The following SYNPO2 variants were observed in gnomAD, a reference collection of about 807,000 sequenced individuals.
The protein encoded by SYNPO2 is synaptopodin-2.
Under a neutral mutation model 85.0 loss-of-function variants are expected in SYNPO2, and 56 were observed. The observed-to-expected ratio is 0.66, with a 90% confidence interval of 0.53 to 0.82. The LOEUF (loss-of-function observed/expected upper bound fraction) is 0.82, where lower values mean the gene tolerates loss of function less well. SYNPO2 is among the 40% of genes least tolerant of loss of function. SYNPO2 has a pLI of 0.00. For synonymous variants in SYNPO2, 602 were observed against 591.1 expected (o/e 1.02, Z -0.27); for missense variants, 1,575 against 1,534.2 (o/e 1.03, Z -0.44).
intron 1 of SYNPO2, among the ~76,000 whole-genome samples, chr4:118,944,911 G>A (rs1734444909): frequency 6.6e-6 from 1 of 152,140 alleles, no homozygotes; most frequent in African/African-American, 2.4e-5. Context: ...ATGGTGTGGT[G>A]GTTAAGCACT....
In SYNPO2 at chr4:119,054,619, G is replaced by A. The variant is rs115383881; in HGVS notation, c.3253-2782G>A. Among the ~76,000 whole-genome samples, 705 of 152,106 alleles carry A rather than the reference G, an allele frequency of 4.6e-3. 5 individuals are homozygous for A. Among genetic ancestry groups the A allele is most frequent in the African/African-American group, 0.016 (684 of 41,470 alleles). ...AGTCTGGCCGTCTCCTCTAAGGTCCGGCCATCTCTCCCTCTACCGACTGAG... is the reference window on the plus strand; with the variant it reads ...AGTCTGGCCGTCTCCTCTAAGGTCCAGCCATCTCTCCCTCTACCGACTGAG... On this transcript the variant is annotated intron_variant, in intron 4 of 4. Coordinates refer to ENST00000307142, the MANE Select transcript of SYNPO2 (RefSeq NM_133477.3).
intron 1 of SYNPO2, among the ~76,000 whole-genome samples, chr4:118,954,888 C>A (rs2149144345): frequency 6.6e-6 from 1 of 152,154 alleles, no homozygotes; most frequent in South Asian, 2.1e-4. Flanking sequence ...ATATGATCCC[C>A]ATTTTTACAA....
chr4:119,034,954 T>A, intron 4 of SYNPO2: 1 of 985,424 alleles, frequency 1.0e-6, no homozygotes, highest in Non-Finnish European at 1.2e-6. Context: ...GAGGCAGTTT[T>A]TGTTTAGTTT....
In SYNPO2 at chr4:119,026,678, C is replaced by T. The variant is rs373931978; in HGVS notation, c.309C>T (p.Asn103=). The part of the protein sequence containing the change: ...EALISENENK[N]LEHLTHGGYV... Reference sequence around the variant, plus strand: ...TGATATCTGAAAATGAAAACAAAAACCTCGAGCATCTCACACATGGGGGTT... The same window carrying T: ...TGATATCTGAAAATGAAAACAAAAATCTCGAGCATCTCACACATGGGGGTT... The change falls in exon 3 of 5, where the codon AAC becomes AAT. Residue 103 remains asparagine (N), a synonymous_variant. Transcript: ENST00000307142. 35 of 1,612,934 alleles carry T rather than the reference C, an allele frequency of 2.2e-5. No homozygotes were observed. Among genetic ancestry groups the T allele is most frequent in the Non-Finnish European group, 2.9e-5 (34 of 1,179,640 alleles).
chr4:119,022,316 A>G (rs999569424), intron 1 of SYNPO2, among the ~76,000 whole-genome samples: 18 of 152,062 alleles, frequency 1.2e-4, no homozygotes, highest in African/African-American at 4.3e-4. Context: ...AAACCTTACA[A>G]TGTGGAATTA....
chr4:119,054,210 G>A (rs527855084), intron 4 of SYNPO2, among the ~76,000 whole-genome samples: 1 of 152,358 alleles, frequency 6.6e-6, no homozygotes, highest in African/African-American at 2.4e-5. Flanking sequence ...CCAGGTGGGG[G>A]TGCTTGCGAC....
intron 1 of SYNPO2, among the ~76,000 whole-genome samples, chr4:118,968,638 A>C (rs963746737): frequency 1.3e-5 from 2 of 152,230 alleles, no homozygotes; most frequent in Admixed American, 6.5e-5. Flanking sequence ...GTGGGTTTGC[A>C]GAGGTTAAAA....
intron 1 of SYNPO2, among the ~76,000 whole-genome samples, chr4:118,977,332 A>T (rs572694752): frequency 2.0e-5 from 3 of 152,214 alleles, no homozygotes; most frequent in Non-Finnish European, 4.4e-5. Flanking sequence ...AGGGCTGGCC[A>T]GCTGCTCCGA....
chr4:119,041,728 TTTATATACAGCACTTTAG>T (rs1457654594), intron 4 of SYNPO2, among the ~76,000 whole-genome samples: 1 of 152,238 alleles, frequency 6.6e-6, no homozygotes, highest in East Asian at 1.9e-4. Context: ...TATGATTTCC[TTTATATACAGCACTTTAG>T]TATGAGCAAA....
At chr4:118,881,869 C>T (rs1732110503) in intron 1 of SYNPO2, among the ~76,000 whole-genome samples, 1 of 152,214 alleles carries the variant, frequency 6.6e-6, no homozygotes, top group Non-Finnish European at 1.5e-5. Context: ...TCCTGGAAAC[C>T]ACACAAGTAT....
chr4:118,865,093 G>C (rs1392516030), intron 1 of SYNPO2, among the ~76,000 whole-genome samples: 2 of 152,156 alleles, frequency 1.3e-5, no homozygotes, highest in East Asian at 3.8e-4. Context: ...TTTGAAGGTG[G>C]GAATTTGTGG....
chr4:118,935,816 G>T (rs1734081506), intron 1 of SYNPO2, among the ~76,000 whole-genome samples: 1 of 152,178 alleles, frequency 6.6e-6, no homozygotes, highest in Admixed American at 6.6e-5. Context: ...TTAGAGAAAA[G>T]AAAATCACAA....
intron 1 of SYNPO2, among the ~76,000 whole-genome samples, chr4:118,890,335 G>A (rs567200305): frequency 1.3e-5 from 2 of 152,246 alleles, no homozygotes; most frequent in South Asian, 2.1e-4. Context: ...GAAAAGCAGA[G>A]TTTTTATTAC....
chr4:119,036,034 C>G, intron 4 of SYNPO2: 1 of 985,330 alleles, frequency 1.0e-6, no homozygotes, highest in East Asian at 1.1e-4. Context: ...TTTAATTTCT[C>G]AAATAAAGGC....
intron 1 of SYNPO2, among the ~76,000 whole-genome samples, chr4:118,934,707 T>C (rs1734043462): frequency 6.6e-6 from 1 of 152,196 alleles, no homozygotes; most frequent in Admixed American, 6.5e-5. Flanking sequence ...AATGAGACTT[T>C]AGAATCTTCA....
intron 1 of SYNPO2, among the ~76,000 whole-genome samples, chr4:118,927,747 G>T (rs62326839): frequency 0.02 from 2,738 of 135,322 alleles, 41 homozygotes; most frequent in African/African-American, 0.032. Flanking sequence ...TAGATAGATA[G>T]ATGATAGATA....
In SYNPO2 at chr4:119,030,009, T is replaced by TA; in HGVS notation, c.1235dup (p.Tyr412Ter). The TA allele has an allele frequency of 6.2e-7, 1 of 1,614,012 alleles. No homozygotes were observed. The highest frequency in any genetic ancestry group is 8.5e-7 in the Non-Finnish European group (1 of 1,180,004). ...GGCCAGGAAATACACCCTAGTTAGC[T>TA]ACGGTACTGGCGAGCTTGAGCGAGA... Reference protein sequence around the residue: ...RRARKYTLVSYGTGELEREAD... With the variant: ...RRARKYTLVS The change falls in exon 4 of 5, where the codon TAC becomes TAAC. Residue 412 changes from tyrosine to a stop codon, truncating the protein, a stop_gained and frameshift_variant. Transcript: ENST00000307142. LOFTEE classifies it high-confidence loss of function.
rs919068091 is a variant in SYNPO2 at position 118,857,012 on chromosome 4, C to A, written c.12+6072C>A. ...ATAAATGTATTCTTTATAAGTATAG[C>A]CCACAGTATAGACTTTTATATTTAT... On this transcript the variant is annotated intron_variant, in intron 1 of 4. Coordinates refer to the SYNPO2 transcript ENST00000610556. Among the ~76,000 whole-genome samples, 3 of 151,458 alleles carry A rather than the reference C, an allele frequency of 2.0e-5. No individual in the cohort carries two copies. In the East Asian group the frequency reaches 5.8e-4, roughly 29 times the overall value.
At chr4:118,910,181 T>A (rs936446661) in intron 1 of SYNPO2, among the ~76,000 whole-genome samples, 1 of 152,216 alleles carries the variant, frequency 6.6e-6, no homozygotes, top group African/African-American at 2.4e-5. Flanking sequence ...CTCTTAAAGA[T>A]TGTTCCAGGT....
Sources: gnomAD v4.1 joint callset for allele counts (sites outside exome capture counted in the v4.1 genomes callset) on GRCh38, gnomAD v4.1.1 for gene constraint, MANE v1.5 for transcripts, NCBI Gene and HGNC (gene_info 2026-07-23, HGNC 2026-07-21) for gene names.